PHACTR2: variants seen among roughly 807,000 people sequenced by gnomAD.
The protein encoded by PHACTR2 is chromosome 6 open reading frame 56.
PHACTR2 carries 30 observed loss-of-function variants against 76.0 expected under a neutral mutation model. The ratio of observed to expected loss-of-function variants is 0.39; its 90% CI spans 0.30 to 0.54. The LOEUF (loss-of-function observed/expected upper bound fraction) is 0.54. Ranked by LOEUF, PHACTR2 falls within the 20% of genes least tolerant of loss-of-function variation. PHACTR2 has a pLI of 0.61. For synonymous variants in PHACTR2, 292 were observed against 292.5 expected, an observed-to-expected ratio of 1.00 and a Z score of 0.02; for missense variants, 696 against 781.1, an observed-to-expected ratio of 0.89 and a Z score of 1.30.
In PHACTR2 at chr6:143,793,790, A is replaced by G. The variant is rs762428697; in HGVS notation, c.1845+4880A>G. Among the ~76,000 whole-genome samples, 99 of 151,976 alleles carry G rather than the reference A, an allele frequency of 6.5e-4. 1 individual carries two copies. Among genetic ancestry groups the G allele is most frequent in the Non-Finnish European group, 8.2e-4 (56 of 67,964 alleles). On this transcript the variant is annotated intron_variant, in intron 11 of 12. Transcript: ENST00000440869. The surrounding 1 kb of genome is among the most constrained non-coding windows in gnomAD (Gnocchi z 4.4). ...AAATTAGCCGGGTGTGGTGGCGCGTACCTGTAGTCCCAGCTACTCGGGAAG... is the reference window on the plus strand; with the variant it reads ...AAATTAGCCGGGTGTGGTGGCGCGTGCCTGTAGTCCCAGCTACTCGGGAAG...
At chr6:143,649,521 T>C (rs1047586397) in intron 1 of PHACTR2, among the ~76,000 whole-genome samples, 3 of 152,234 alleles carry the variant, frequency 2.0e-5, no homozygotes, top group East Asian at 3.8e-4. Flanking sequence ...ATCCTCAGGA[T>C]GCAAGGTTGG....
chr6:143,731,040 G>A lies in PHACTR2; in HGVS notation c.215-17945G>A, dbSNP rs750048142. ...TGAGATTACAGGCGTGAGCCACCACGTCCAGCCCAGTTGAAGGTTTTTATA... is the reference window on the plus strand; with the variant it reads ...TGAGATTACAGGCGTGAGCCACCACATCCAGCCCAGTTGAAGGTTTTTATA... On this transcript the variant is annotated intron_variant, in intron 2 of 12. Coordinates refer to ENST00000440869, the MANE Select transcript of PHACTR2 (RefSeq NM_001100164.2). This position sits in a 1 kb window ranked among gnomAD's most constrained non-coding sequence, Gnocchi z 4.9. Among the ~76,000 whole-genome samples the A allele has an allele frequency of 3.9e-5, 6 of 152,170 alleles. No homozygotes were observed. The highest frequency in any genetic ancestry group is 6.5e-5 in the Admixed American group (1 of 15,276).
intron 1 of PHACTR2, among the ~76,000 whole-genome samples, chr6:143,655,880 A>G (rs1374899666): frequency 6.6e-6 from 1 of 152,240 alleles, no homozygotes; most frequent in African/African-American, 2.4e-5. Context: ...TATAGTTTTC[A>G]CTAAAGTTGC....
At chr6:143,723,434 T>C (rs1357642137) in intron 2 of PHACTR2, among the ~76,000 whole-genome samples, 1 of 152,200 alleles carries the variant, frequency 6.6e-6, no homozygotes, top group African/African-American at 2.4e-5. Flanking sequence ...CAGCGTTCCT[T>C]CTGATTAGCC....
At position 143,772,204 on chromosome 6, in the gene PHACTR2, G is replaced by T. The variant is rs986283379; in HGVS notation, c.1233-54G>T. On this transcript the variant is annotated intron_variant, in intron 6 of 12. Transcript: ENST00000440869. The surrounding 1 kb of genome is among the most constrained non-coding windows in gnomAD (Gnocchi z 5.4). ...AGCTCTTTTTCTTAGTGTCAGTGCCGCCAAGGGTTGCTCTGAGCTTCACAT... is the reference window on the plus strand; with the variant it reads ...AGCTCTTTTTCTTAGTGTCAGTGCCTCCAAGGGTTGCTCTGAGCTTCACAT... The T allele has an allele frequency of 1.5e-6, 2 of 1,317,048 alleles. No homozygotes were observed. Among genetic ancestry groups the T allele is most frequent in the African/African-American group, 2.9e-5 (2 of 69,152 alleles). 81.6% of individuals were successfully genotyped at this position (1,317,048 alleles called of 1,614,324 possible).
chr6:143,793,259 G>A lies in PHACTR2; in HGVS notation c.1845+4349G>A, dbSNP rs1457434580. On this transcript the variant is annotated intron_variant, in intron 11 of 12. Coordinates refer to ENST00000440869, the MANE Select transcript of PHACTR2 (RefSeq NM_001100164.2). This position sits in a 1 kb window ranked among gnomAD's most constrained non-coding sequence, Gnocchi z 4.4. ...AGCTCATTCATCTCTAGCTGTAACA[G>A]AGAGGATTTTTTTTTTTAATTTTAT... is the stretch of plus-strand genomic sequence containing the variant. Among the ~76,000 whole-genome samples, 1 of 152,132 alleles carries A rather than the reference G, an allele frequency of 6.6e-6. No homozygotes were observed. Among genetic ancestry groups the A allele is most frequent in the African/African-American group, 2.4e-5 (1 of 41,426 alleles).
chr6:143,677,534 T>C (rs1317273597), upstream of PHACTR2, among the ~76,000 whole-genome samples: 1 of 152,162 alleles, frequency 6.6e-6, no homozygotes, highest in Admixed American at 6.5e-5. Context: ...CAAGCCTGAT[T>C]GAGGCCATTA....
At chr6:143,655,554 AT>A (rs567653370) in intron 1 of PHACTR2, among the ~76,000 whole-genome samples, 192 of 152,324 alleles carry the variant, frequency 1.3e-3, no homozygotes, top group Admixed American at 2.2e-3. Context: ...TTAATTATAG[AT>A]TTTTTCTGCA....
Position 143,619,202 on chromosome 6 carries a change from G to A in PHACTR2, c.13+10880G>A, listed in dbSNP as rs1186262844. ...CATCTACCTGCATGCTTACCTACCT[G>A]TGATCTATTTTTCTGTCTACCTATC... On this transcript the variant is annotated intron_variant, in intron 1 of 11. Transcript: ENST00000305766. This position sits in a 1 kb window ranked among gnomAD's most constrained non-coding sequence, Gnocchi z 4.5. Among the ~76,000 whole-genome samples the A allele has an allele frequency of 6.6e-6, 1 of 151,896 alleles. No homozygotes were observed. Among genetic ancestry groups the A allele is most frequent in the Non-Finnish European group, 1.5e-5 (1 of 67,994 alleles).
intron 6 of PHACTR2, among the ~76,000 whole-genome samples, chr6:143,771,435 A>C (rs1775138552): frequency 6.7e-6 from 1 of 149,060 alleles, no homozygotes; most frequent in Admixed American, 6.8e-5. Flanking sequence ...TTATGTATTT[A>C]TTTAATTTAT....
At chr6:143,699,657 TCTC>T (rs1187684176) in intron 1 of PHACTR2, among the ~76,000 whole-genome samples, 2 of 152,178 alleles carry the variant, frequency 1.3e-5, no homozygotes, top group East Asian at 3.9e-4. Flanking sequence ...GCTAAAGGTC[TCTC>T]CTCCAAATCT....
At chr6:143,643,372 C>T (rs1776600029) in intron 1 of PHACTR2, among the ~76,000 whole-genome samples, 2 of 152,156 alleles carry the variant, frequency 1.3e-5, no homozygotes, top group Admixed American at 1.3e-4. Context: ...ATACTATGCA[C>T]AAGTTACTTC....
rs1263273701 is a variant in PHACTR2 at position 143,688,891 on chromosome 6, T to C, written c.46+10682T>C. 1.3e-5 allele frequency among the ~76,000 whole-genome samples: 2 copies of C among 152,214 alleles called. No homozygotes were observed. The highest frequency in any genetic ancestry group is 2.4e-5 in the African/African-American group (1 of 41,464). ...GTCACTCACTCACTCAAAACCTTCC[T>C]GTCCTCCCACTGCACTTGGAATGAA... On this transcript the variant is annotated intron_variant, in intron 1 of 12. Coordinates refer to ENST00000440869, the MANE Select transcript of PHACTR2 (RefSeq NM_001100164.2). The surrounding 1 kb of genome is among the most constrained non-coding windows in gnomAD (Gnocchi z 5.2).
At chr6:143,622,553 G>C (rs1048583330) in intron 1 of PHACTR2, among the ~76,000 whole-genome samples, 1 of 152,116 alleles carries the variant, frequency 6.6e-6, no homozygotes, top group African/African-American at 2.4e-5. Context: ...CCAAGCTACA[G>C]AATGTTCTAT....
intron 1 of PHACTR2, among the ~76,000 whole-genome samples, chr6:143,615,203 G>T (rs936894510): frequency 2.0e-5 from 3 of 152,180 alleles, no homozygotes; most frequent in African/African-American, 4.8e-5. Flanking sequence ...AAATAAGCCA[G>T]TAATTTATAA....
chr6:143,577,901 G>A (rs1449309326), intron 1 of PHACTR2, among the ~76,000 whole-genome samples: 1 of 152,170 alleles, frequency 6.6e-6, no homozygotes, highest in African/African-American at 2.4e-5. Context: ...AAAGCGAGAG[G>A]TATGGTAAGA....
intron 1 of PHACTR2, among the ~76,000 whole-genome samples, chr6:143,692,139 T>C (rs544384224): frequency 1.4e-4 from 21 of 152,258 alleles, no homozygotes; most frequent in South Asian, 8.3e-4. Context: ...TGCTGAGCAT[T>C]CCCTCTGACC....
In PHACTR2 at chr6:143,647,465, A is replaced by G. The variant is rs1776679809; in HGVS notation, c.13+39143A>G. Among the ~76,000 whole-genome samples the G allele has an allele frequency of 6.6e-6, 1 of 152,182 alleles. No individual in the cohort carries two copies. The highest frequency in any genetic ancestry group is 1.5e-5 in the Non-Finnish European group (1 of 68,032). Reference sequence around the variant, plus strand: ...AGTGTGCCAGCTCCCAGTGTAGTCTAGGTATACTATCCATGGTGAAGAGGA... The same window carrying G: ...AGTGTGCCAGCTCCCAGTGTAGTCTGGGTATACTATCCATGGTGAAGAGGA... On this transcript the variant is annotated intron_variant, in intron 1 of 11. Transcript: ENST00000305766. The surrounding 1 kb of genome is among the most constrained non-coding windows in gnomAD (Gnocchi z 4.2).
intron 5 of PHACTR2, among the ~76,000 whole-genome samples, chr6:143,762,905 G>C (rs900353188): frequency 7.6e-4 from 116 of 152,156 alleles, no homozygotes; most frequent in African/African-American, 2.7e-3. Context: ...CTTAATTGAA[G>C]GTAACTTAAG....
Sources: allele counts gnomAD v4.1 joint callset (sites outside exome capture counted in the v4.1 genomes callset), GRCh38; gene constraint gnomAD v4.1.1; non-coding constraint Gnocchi (gnomAD v3.1); transcripts MANE v1.5; gene names NCBI Gene and HGNC (gene_info 2026-07-23, HGNC 2026-07-21).